The following HIP1 variants were observed in gnomAD, a reference collection of about 807,000 sequenced individuals.
HIP1 encodes huntingtin interacting protein 1, also known as huntingtin-interacting protein 1.
A neutral mutation model predicts 147.6 loss-of-function variants in HIP1; 65 were observed. The ratio of observed to expected loss-of-function variants is 0.44; its 90% CI spans 0.36 to 0.54. The LOEUF (loss-of-function observed/expected upper bound fraction) is 0.54. Among genes scored for constraint, HIP1 ranks in the 20% least tolerant of loss-of-function variants. HIP1 has a pLI of 0.00. For synonymous variants in HIP1, 479 were observed against 504.0 expected (o/e 0.95, Z 0.67); for missense variants, 1,061 against 1,299.6 (o/e 0.82, Z 2.82).
chr7:75,562,147 A>G lies in HIP1; in HGVS notation c.1044T>C (p.Asp348=), dbSNP rs181751169. ...TGCTGAATGAACTGCCAAAGATGTC[A>G]TCAAACTTGTTGTCAAATAAATTCT... ...SQQNLFDNKF[D]DIFGSSFSSD... The change falls in exon 12 of 31, where the codon GAT becomes GAC. Residue 348 remains aspartate (D), a synonymous_variant. Transcript: ENST00000336926. 6 of 1,613,554 alleles carry G rather than the reference A, an allele frequency of 3.7e-6. No homozygotes were observed. The highest frequency in any genetic ancestry group is 1.7e-5 in the Admixed American group (1 of 60,006).
At chr7:75,587,926 C>T (rs1402963900) in intron 4 of HIP1, among the ~76,000 whole-genome samples, 3 of 152,090 alleles carry the variant, frequency 2.0e-5, no homozygotes, top group Non-Finnish European at 4.4e-5. Flanking sequence ...ATCATGTCAC[C>T]ATTCCTCCAG....
intron 16 of HIP1, 28 bp from the exon 17 acceptor site, chr7:75,556,839 C>G (rs1795024416): frequency 2.3e-6 from 3 of 1,330,540 alleles, no homozygotes; most frequent in Non-Finnish European, 3.2e-6. Flanking sequence ...CAGAGGGACT[C>G]TGATCTGGGT....
chr7:75,589,586 G>C lies in HIP1; in HGVS notation c.384+2470C>G, dbSNP rs1584843553. Among the ~76,000 whole-genome samples, 7 of 148,130 alleles carry C rather than the reference G, an allele frequency of 4.7e-5. No homozygotes were observed. In the South Asian group the frequency reaches 1.3e-3, roughly 27 times the overall value. On this transcript the variant is annotated intron_variant, in intron 4 of 30. Coordinates refer to ENST00000336926, the MANE Select transcript of HIP1 (RefSeq NM_005338.7). ...TAATTCTAGCTACTCGGGAGGCTGA[G>C]GCAGGAGAATCGCTTCAACCTGGGT...
chr7:75,676,955 G>A (rs1799913965), intron 1 of HIP1, among the ~76,000 whole-genome samples: 1 of 151,968 alleles, frequency 6.6e-6, no homozygotes, highest in Admixed American at 6.6e-5. Context: ...AGCACTTTGG[G>A]AGGCCAAGGC....
intron 1 of HIP1, among the ~76,000 whole-genome samples, chr7:75,728,815 G>T (rs1801734632): frequency 1.4e-5 from 2 of 147,584 alleles, no homozygotes; most frequent in African/African-American, 2.5e-5. Flanking sequence ...AAAAAGGACA[G>T]GGACCAGGGA....
intron 28 of HIP1, 98 bp downstream of exon 28, chr7:75,542,753 T>G (rs1439229171): frequency 4.5e-6 from 5 of 1,122,634 alleles, no homozygotes; most frequent in Non-Finnish European, 6.4e-6. Context: ...TGAAAGAATT[T>G]AGACACAGTC....
chr7:75,639,253 G>A, intron 1 of HIP1: 1 of 840,612 alleles, frequency 1.2e-6, no homozygotes, highest in Non-Finnish European at 1.4e-6. Context: ...AAGGGGAGGG[G>A]GAGGGGAGGC....
chr7:75,655,537 G>A (rs1427711780), intron 1 of HIP1, among the ~76,000 whole-genome samples: 6 of 151,476 alleles, frequency 4.0e-5, no homozygotes, highest in East Asian at 1.9e-4. Flanking sequence ...AGCCGAGATC[G>A]CACCACTGCA....
chr7:75,557,737 T>C lies in HIP1; in HGVS notation c.1498A>G (p.Arg500Gly). The C allele has an allele frequency of 6.2e-7, 1 of 1,614,176 alleles. No individual in the cohort carries two copies. Among genetic ancestry groups the C allele is most frequent in the Non-Finnish European group, 8.5e-7 (1 of 1,180,010 alleles). ...CGTTCCAAATCTACCTGGGCTTGTC[T>C]GGCCATGGACACCTGTTTGGTCACC... ...AEVTKQVSMA[R>G]QAQVDLEREK... The change falls in exon 16 of 31, where the codon AGA becomes GGA. Residue 500 changes from arginine (R) to glycine (G), a missense_variant. Around this residue, in one of 3 missense-constraint regions of HIP1, gnomAD observed 810 missense variants for 946.8 expected, o/e 0.86. Transcript: ENST00000336926.
chr7:75,716,138 C>G (rs1306030720), intron 1 of HIP1, among the ~76,000 whole-genome samples: 4 of 152,048 alleles, frequency 2.6e-5, no homozygotes, highest in African/African-American at 9.7e-5. Context: ...TTGGTGGAGA[C>G]AAATATCCAA....
At chr7:75,643,802 C>T (rs1376743150) in intron 1 of HIP1, among the ~76,000 whole-genome samples, 3 of 152,284 alleles carry the variant, frequency 2.0e-5, no homozygotes, top group South Asian at 4.1e-4. Flanking sequence ...GAGTTCAAAA[C>T]TAGCCTGGCC....
At position 75,534,649 on chromosome 7, in the gene HIP1, G is replaced by A. The variant is rs1794016663; in HGVS notation, c.*3523C>T. On this transcript the variant is annotated 3_prime_UTR_variant, in exon 31 of 31. Transcript: ENST00000336926. Reference sequence around the variant, plus strand: ...GGGTTTCACCATGTTGGCCAGGCTAGTCTTGAACTCCTGACCTCAGGTGAT... The same window carrying A: ...GGGTTTCACCATGTTGGCCAGGCTAATCTTGAACTCCTGACCTCAGGTGAT... The A allele has an allele frequency of 5.7e-6, 1 of 176,372 alleles. No homozygotes were observed. The highest frequency in any genetic ancestry group is 2.4e-5 in the African/African-American group (1 of 42,190). The allele number at this position is 176,372 out of a possible 1,614,324, so 10.9% of individuals were successfully genotyped here. A position where few individuals can be genotyped will look rare whatever the true frequency, so the allele number is the denominator to read the frequency against.
intron 4 of HIP1, among the ~76,000 whole-genome samples, chr7:75,589,718 C>CATT (rs111865312): frequency 1.1e-5 from 1 of 93,422 alleles, no homozygotes; most frequent in African/African-American, 3.9e-5. Context: ...AAAAAAAAGA[C>CATT]TTTTTTTTTG....
intron 5 of HIP1, among the ~76,000 whole-genome samples, chr7:75,583,821 T>C (rs237233): frequency 0.085 from 12,315 of 145,666 alleles, 549 homozygotes; most frequent in South Asian, 0.16. Context: ...AGAGATGGGG[T>C]TTCGCCACAT....
chr7:75,632,975 G>A (rs942836352), intron 1 of HIP1, among the ~76,000 whole-genome samples: 3 of 152,142 alleles, frequency 2.0e-5, no homozygotes, highest in Admixed American at 6.6e-5. Flanking sequence ...ATGGACACGT[G>A]GCAGGGAATA....
chr7:75,574,014 C>A (rs1358986984), intron 7 of HIP1, 113 bp from the exon 8 acceptor site: 10 of 808,186 alleles, frequency 1.2e-5, no homozygotes, highest in Non-Finnish European at 1.8e-5. Context: ...TCTGTGCGTG[C>A]TTTACCTCAT....
chr7:75,734,990 C>T (rs1323526358), intron 1 of HIP1, among the ~76,000 whole-genome samples: 1 of 152,136 alleles, frequency 6.6e-6, no homozygotes, highest in Non-Finnish European at 1.5e-5. Flanking sequence ...TGCTTGATTG[C>T]TCACACTTCT....
At chr7:75,639,590 T>TGTGTGCGC (rs533751823) in intron 1 of HIP1, among the ~76,000 whole-genome samples, 45 of 150,130 alleles carry the variant, frequency 3.0e-4, no homozygotes, top group African/African-American at 1.1e-3. Context: ...TGTGTGTGTG[T>TGTGTGCGC]GTGCGCCCGC....
At chr7:75,602,986 AGAGATG>A (rs1797064385) in intron 1 of HIP1, among the ~76,000 whole-genome samples, 1 of 152,012 alleles carries the variant, frequency 6.6e-6, no homozygotes, top group African/African-American at 2.4e-5. Context: ...GAAATGAGAC[AGAGATG>A]AGTGATGAGT....
Sources: allele counts gnomAD v4.1 joint callset (sites outside exome capture counted in the v4.1 genomes callset), GRCh38; gene constraint gnomAD v4.1.1; regional missense constraint gnomAD v4.1.1; transcripts MANE v1.5; gene names NCBI Gene and HGNC (gene_info 2026-07-23, HGNC 2026-07-21).